The following GULP1 variants were observed in gnomAD, a reference collection of about 807,000 sequenced individuals.
The protein encoded by GULP1 is PTB domain-containing engulfment adapter protein 1.
In GULP1, 19 loss-of-function variants were observed where a neutral mutation model predicts 40.9. The ratio of observed to expected loss-of-function variants is 0.46; its 90% CI spans 0.32 to 0.68. The LOEUF is 0.68. GULP1 is among the 30% of genes least tolerant of loss of function. The pLI, the probability that GULP1 is intolerant of heterozygous loss-of-function variation, is 0.03. For synonymous variants in GULP1, 119 were observed against 117.6 expected, an observed-to-expected ratio of 1.01 and a Z score of -0.08; for missense variants, 312 against 362.2, an observed-to-expected ratio of 0.86 and a Z score of 1.12.
intron 11 of GULP1, chr2:188,589,656 T>G: frequency 1.6e-6 from 1 of 644,544 alleles, no homozygotes; most frequent in Non-Finnish European, 2.5e-6. Flanking sequence ...ACACTCAATG[T>G]TAAACCGTGG....
intron 2 of GULP1, among the ~76,000 whole-genome samples, chr2:188,397,724 C>T (rs985672816): frequency 2.6e-5 from 4 of 152,172 alleles, no homozygotes; most frequent in Admixed American, 6.5e-5. Context: ...GTCAAGCTGT[C>T]GGCTACAACT....
chr2:188,321,677 TC>T (rs1276583007), intron 1 of GULP1, among the ~76,000 whole-genome samples: 1 of 152,120 alleles, frequency 6.6e-6, no homozygotes, highest in African/African-American at 2.4e-5. Context: ...CTTTTTTTTT[TC>T]AGTACACATT....
chr2:188,342,278 C>T (rs569468179), intron 1 of GULP1, among the ~76,000 whole-genome samples: 22 of 152,192 alleles, frequency 1.4e-4, no homozygotes, highest in Middle Eastern at 3.4e-3. Context: ...ATCTGTTTCA[C>T]GAGTCTCTCC....
intron 4 of GULP1, among the ~76,000 whole-genome samples, chr2:188,507,015 T>A (rs114397346): frequency 0.011 from 1,727 of 151,986 alleles, 38 homozygotes; most frequent in African/African-American, 0.039. Context: ...TTACTTTTTC[T>A]CTCCCTGCAT....
intron 4 of GULP1, among the ~76,000 whole-genome samples, chr2:188,485,242 A>T (rs1330957842): frequency 1.3e-5 from 2 of 152,066 alleles, no homozygotes; most frequent in East Asian, 3.9e-4. Flanking sequence ...TCCGCCAATC[A>T]TTCTGCTTGT....
At chr2:188,514,664 G>A (rs1319294628) in intron 4 of GULP1, among the ~76,000 whole-genome samples, 1 of 151,928 alleles carries the variant, frequency 6.6e-6, no homozygotes, top group Non-Finnish European at 1.5e-5. Flanking sequence ...TCACATGGAG[G>A]AATTAAGACA....
At chr2:188,362,953 G>A (rs2046293793) in intron 1 of GULP1, among the ~76,000 whole-genome samples, 1 of 151,956 alleles carries the variant, frequency 6.6e-6, no homozygotes, top group Non-Finnish European at 1.5e-5. Flanking sequence ...CTTAATAGGA[G>A]GTGGGTTCTA....
At chr2:188,413,657 G>A (rs1436761108) in intron 2 of GULP1, among the ~76,000 whole-genome samples, 1 of 152,110 alleles carries the variant, frequency 6.6e-6, no homozygotes. Context: ...CAGCATGTAA[G>A]CTCCATTGGG....
At chr2:188,296,597 G>T (rs1029552989) in intron 1 of GULP1, among the ~76,000 whole-genome samples, 3 of 151,938 alleles carry the variant, frequency 2.0e-5, no homozygotes, top group African/African-American at 7.3e-5. Context: ...TGAAAAGGCT[G>T]CCCTAATTTG....
intron 2 of GULP1, among the ~76,000 whole-genome samples, chr2:188,417,133 T>C (rs1426522554): frequency 1.3e-5 from 2 of 152,190 alleles, no homozygotes; most frequent in African/African-American, 2.4e-5. Flanking sequence ...GCTGTCAAAG[T>C]AGTGTCAGTT....
intron 2 of GULP1, among the ~76,000 whole-genome samples, chr2:188,398,312 A>G (rs751716244): frequency 2.6e-5 from 4 of 152,240 alleles, no homozygotes; most frequent in African/African-American, 7.2e-5. Flanking sequence ...TCCACTGGTA[A>G]CAGTGGTAAT....
At chr2:188,495,502 A>G (rs1177989169) in intron 4 of GULP1, among the ~76,000 whole-genome samples, 1 of 152,068 alleles carries the variant, frequency 6.6e-6, no homozygotes, top group Non-Finnish European at 1.5e-5. Flanking sequence ...TTATCCAAAC[A>G]AATAATAGTG....
At chr2:188,326,754 G>A (rs1457729471) in intron 1 of GULP1, among the ~76,000 whole-genome samples, 1 of 152,022 alleles carries the variant, frequency 6.6e-6, no homozygotes, top group Non-Finnish European at 1.5e-5. Flanking sequence ...TCCATTATTG[G>A]CTTTAGCTTC....
chr2:188,569,309 G>GA lies in GULP1; in HGVS notation c.474dup (p.Asp159ArgfsTer3). 6.2e-7 allele frequency: 1 copy of GA among 1,601,796 alleles called. No homozygotes were observed. Among genetic ancestry groups the GA allele is most frequent in the Non-Finnish European group, 8.6e-7 (1 of 1,169,026 alleles). ...TACAGGAAATTTCTAGAATCAGGAGGAAAAGATGTTGAAACAAGAAAACAG... is the reference window on the plus strand; with the variant it reads ...TACAGGAAATTTCTAGAATCAGGAGGAAAAAGATGTTGAAACAAGAAAACAG... On this transcript the variant is annotated frameshift_variant, in exon 8 of 12. Transcript: ENST00000409830. LOFTEE classifies it high-confidence loss of function.
At chr2:188,516,499 C>T (rs990896543) in intron 4 of GULP1, among the ~76,000 whole-genome samples, 2 of 151,746 alleles carry the variant, frequency 1.3e-5, no homozygotes, top group Admixed American at 6.6e-5. Context: ...AACATTGAGT[C>T]CCTTAATCTG....
intron 1 of GULP1, among the ~76,000 whole-genome samples, chr2:188,303,424 T>A (rs781586199): frequency 6.2e-4 from 94 of 152,154 alleles, no homozygotes; most frequent in Admixed American, 1.3e-3. Context: ...CAAAGTGTCA[T>A]AATGGGCAGG....
intron 2 of GULP1, among the ~76,000 whole-genome samples, chr2:188,462,738 A>G (rs1288793946): frequency 1.3e-5 from 2 of 152,036 alleles, no homozygotes; most frequent in Non-Finnish European, 2.9e-5. Context: ...GTCTGGTGAT[A>G]TGATTTAGTT....
At chr2:188,536,624 C>T (rs1282177467) in intron 6 of GULP1, among the ~76,000 whole-genome samples, 2 of 152,066 alleles carry the variant, frequency 1.3e-5, no homozygotes, top group Non-Finnish European at 2.9e-5. Context: ...TGTGATGCCT[C>T]CAGATTTATT....
chr2:188,336,038 A>G (rs2152098243), intron 1 of GULP1, among the ~76,000 whole-genome samples: 1 of 152,322 alleles, frequency 6.6e-6, no homozygotes, highest in African/African-American at 2.4e-5. Context: ...ATACCTATGC[A>G]TGTTGTGTTA....
Sources: gnomAD v4.1 joint callset for allele counts (sites outside exome capture counted in the v4.1 genomes callset) on GRCh38, gnomAD v4.1.1 for gene constraint, MANE v1.5 for transcripts, NCBI Gene and HGNC (gene_info 2026-07-23, HGNC 2026-07-21) for gene names.